Variants in UBR4 observed in about 807,000 individuals in gnomAD.
UBR4 encodes the protein ubiquitin protein ligase E3 component n-recognin 4.
Under a neutral mutation model 575.6 loss-of-function variants are expected in UBR4, and 124 were observed. The ratio of observed to expected loss-of-function variants is 0.22; its 90% CI spans 0.19 to 0.25. The LOEUF (loss-of-function observed/expected upper bound fraction) is 0.25, where lower values mean the gene tolerates loss of function less well. Ranked by LOEUF, UBR4 falls within the 10% of genes least tolerant of loss-of-function variation. UBR4 has a pLI of 1.00. For missense variants in UBR4, 4,818 were observed against 6,478.8 expected (o/e 0.74, Z 8.80); for synonymous variants, 2,455 against 2,473.7 (o/e 0.99, Z 0.22).
chr1:19,170,338 G>A (rs904059573), intron 26 of UBR4, among the ~76,000 whole-genome samples: 7 of 152,186 alleles, frequency 4.6e-5, no homozygotes, highest in African/African-American at 9.7e-5. Flanking sequence ...GATGAAGGCC[G>A]CAGTGAGCTG....
chr1:19,095,207 ATGACAGGCAGCTTTGC>A (rs2077911222), intron 93 of UBR4, among the ~76,000 whole-genome samples, 182 bp from the exon 94 acceptor site: 1 of 152,168 alleles, frequency 6.6e-6, no homozygotes, highest in Non-Finnish European at 1.5e-5. Flanking sequence ...TGAGCTTTTG[ATGACAGGCAGCTTTGC>A]TGCCCCAAGG....
chr1:19,200,283 A>C (rs541337012), intron 2 of UBR4, among the ~76,000 whole-genome samples: 1 of 79,164 alleles, frequency 1.3e-5, no homozygotes, highest in Non-Finnish European at 3.0e-5. Flanking sequence ...AAAAAAAGGC[A>C]AAAAAAAAAA....
chr1:19,085,319 C>T (rs1000985288), intron 101 of UBR4, among the ~76,000 whole-genome samples: 1 of 152,158 alleles, frequency 6.6e-6, no homozygotes, highest in African/African-American at 2.4e-5. Context: ...GTCAGGAGTT[C>T]CAGACCAGCC....
chr1:19,090,786 A>G (rs908389545), intron 97 of UBR4, among the ~76,000 whole-genome samples: 1 of 152,194 alleles, frequency 6.6e-6, no homozygotes, highest in Admixed American at 6.5e-5. Flanking sequence ...AAGTAATTCA[A>G]TTTGGTAACT....
At chr1:19,096,800 G>C in intron 91 of UBR4, 150 bp from the exon 92 acceptor site, 1 of 1,199,094 alleles carries the variant, frequency 8.3e-7, no homozygotes, top group Non-Finnish European at 1.2e-6. Context: ...AGGGGTCAAT[G>C]ATGGATGATA....
chr1:19,107,091 C>A (rs1337241454), intron 81 of UBR4, 125 bp from the exon 82 acceptor site: 60 of 1,370,296 alleles, frequency 4.4e-5, no homozygotes, highest in Non-Finnish European at 5.6e-5. Flanking sequence ...AGGATCAACA[C>A]GTGTATCTCT....
rs1042590444 is a variant in UBR4, at chr1:19,187,376, G to A, written c.1494+65C>T. ...AAAACAACTTGAGTTGATGGATCAA[G>A]CTTGCTTGGCCAGAAGTGGATCCCG... On this transcript the variant is annotated intron_variant, in intron 12 of 105. Coordinates refer to ENST00000375254, the MANE Select transcript of UBR4 (RefSeq NM_020765.3). The A allele has an allele frequency of 1.9e-6, 3 of 1,610,798 alleles. No homozygotes were observed. In the African/African-American group the frequency reaches 4.0e-5, roughly 22 times the overall value.
chr1:19,145,508 GACACACACACACACACACAC>G (rs555050832), intron 53 of UBR4, among the ~76,000 whole-genome samples: 11,062 of 145,104 alleles, frequency 0.076, 584 homozygotes, highest in Non-Finnish European at 0.12. Flanking sequence ...AAACCACTGA[GACACACACACACACACACAC>G]ACACACACAC....
intron 82 of UBR4, 44 bp downstream of exon 82, chr1:19,106,793 G>A: frequency 6.2e-7 from 1 of 1,605,310 alleles, no homozygotes. Flanking sequence ...AGGGCTGTCA[G>A]AGCGCAGGCA....
In UBR4 at chr1:19,185,264, C is replaced by A; in HGVS notation, c.1773G>T (p.Leu591Phe). 6.3e-7 allele frequency: 1 copy of A among 1,581,940 alleles called. No individual in the cohort carries two copies. Among genetic ancestry groups the A allele is most frequent in the South Asian group, 1.2e-5 (1 of 86,398 alleles). ...AAATAGTCTCCTCAAACCATTGCCC[C>A]AAAATAGGCTCACTGTCATCGTCTG... ...SSQDDDSEPI[L>F]GQWFEETISP... The change falls in exon 15 of 106, where the codon TTG (leucine) becomes TTT (phenylalanine). Residue 591 changes from leucine (L) to phenylalanine (F), a missense_variant. Coordinates refer to ENST00000375254, the MANE Select transcript of UBR4 (RefSeq NM_020765.3).
At chr1:19,104,309 A>G in intron 86 of UBR4, 52 bp from the exon 87 acceptor site, 1 of 1,595,460 alleles carries the variant, frequency 6.3e-7, no homozygotes, top group Non-Finnish European at 8.6e-7. Flanking sequence ...AAACATAAGG[A>G]CAGTCTGTGT....
chr1:19,140,373 C>T lies in UBR4; in HGVS notation c.8593+415G>A, dbSNP rs138654385. The stretch of plus-strand genomic sequence containing the variant: ...CTGAACAAGAATTCTGAAGTATAAT[C>T]TAGCTTCTTATAGCTCTCCTTTTAT... On this transcript the variant is annotated intron_variant, in intron 58 of 105. Transcript: ENST00000375254. Among the ~76,000 whole-genome samples the T allele has an allele frequency of 3.1e-3, 477 of 152,344 alleles. 1 individual carries two copies. Among genetic ancestry groups the T allele is most frequent in the Non-Finnish European group, 5.9e-3 (398 of 68,028 alleles).
At chr1:19,143,250 G>A (rs1380732973) in intron 55 of UBR4, among the ~76,000 whole-genome samples, 2 of 134,436 alleles carry the variant, frequency 1.5e-5, no homozygotes, top group Non-Finnish European at 3.2e-5. Context: ...AAGGAAGGAA[G>A]GAAGGAAGGA....
chr1:19,146,235 C>G lies in UBR4; in HGVS notation c.7805-302G>C, dbSNP rs1364240403. Reference sequence around the variant, plus strand: ...CAACTTCTAAAACGTAGAGGAACATCTGAACATTCTAGAGATCTCTCTAGA... The same window carrying G: ...CAACTTCTAAAACGTAGAGGAACATGTGAACATTCTAGAGATCTCTCTAGA... On this transcript the variant is annotated intron_variant, in intron 52 of 105. Coordinates refer to ENST00000375254, the MANE Select transcript of UBR4 (RefSeq NM_020765.3). 6 of 653,622 alleles carry G rather than the reference C, an allele frequency of 9.2e-6. No individual in the cohort carries two copies. In the Middle Eastern group the frequency reaches 1.0e-3, roughly 112 times the overall value. 40.5% of individuals were successfully genotyped at this position (653,622 alleles called of 1,614,324 possible). A position where few individuals can be genotyped will look rare whatever the true frequency, so the allele number is the denominator to read the frequency against.
In UBR4 at chr1:19,156,277, A is replaced by G; in HGVS notation, c.6066T>C (p.Phe2022=). The G allele has an allele frequency of 1.9e-6, 3 of 1,614,138 alleles. No individual in the cohort carries two copies. The highest frequency in any genetic ancestry group is 2.5e-6 in the Non-Finnish European group (3 of 1,180,002). The change falls in exon 42 of 106, where the codon TTT becomes TTC. Residue 2022 remains phenylalanine (F), a synonymous_variant. Transcript: ENST00000375254. ...QTELAIVTAD[F]VKIYDLCVDA... ...CAAAGAACTGTAACTGTACCTTAAC[A>G]AAGTCTGCGGTGACAATTGCTAACT...
At chr1:19,135,504 T>C (rs2083101845) in intron 60 of UBR4, among the ~76,000 whole-genome samples, 1 of 152,340 alleles carries the variant, frequency 6.6e-6, no homozygotes, top group Non-Finnish European at 1.5e-5. Context: ...AATGAGTCTT[T>C]CAATCCATAA....
rs2093232916 is a variant in UBR4 at position 19,209,944 on chromosome 1, C to T, written c.176+129G>A. ...AAGCCAGTCTCCCCGGGCCCGGGAC[C>T]CCGAAGCCGTGGCTGTGGCGGGGAT... On this transcript the variant is annotated intron_variant, in intron 1 of 105. Transcript: ENST00000375254. 3 of 1,340,136 alleles carry T rather than the reference C, an allele frequency of 2.2e-6. No homozygotes were observed. The East Asian group carries it at 9.3e-5, about 42-fold the overall frequency. The allele number at this position is 1,340,136 out of a possible 1,614,324, so 83.0% of individuals were successfully genotyped here.
rs776956681 is a variant in UBR4 at position 19,164,911 on chromosome 1, A to G, written c.4399T>C (p.Trp1467Arg). The part of the protein sequence containing the change: ...ACVEPVRLQA[W>R]LTRMTTSPPK... Reference sequence around the variant, plus strand: ...GGCGATGTAGTCATGCGGGTGAGCCAGGCCTGCAGGCGCACAGGTTCCACA... The same window carrying G: ...GGCGATGTAGTCATGCGGGTGAGCCGGGCCTGCAGGCGCACAGGTTCCACA... Residue 1467 changes from tryptophan to arginine, a missense_variant, in exon 32 of 106, where the codon TGG becomes CGG. By Grantham distance (101) the Trp-to-Arg change is moderately radical. Transcript: ENST00000375254. 6.2e-7 allele frequency: 1 copy of G among 1,614,184 alleles called. No homozygotes were observed. The highest frequency in any genetic ancestry group is 1.1e-5 in the South Asian group (1 of 91,084).
At position 19,139,367 on chromosome 1, in the gene UBR4, G is replaced by T; in HGVS notation, c.8594-147C>A. The T allele has an allele frequency of 9.0e-7, 1 of 1,113,558 alleles. No homozygotes were observed. The highest frequency in any genetic ancestry group is 1.2e-6 in the Non-Finnish European group (1 of 855,562). 69.0% of individuals were successfully genotyped at this position (1,113,558 alleles called of 1,614,324 possible). A position where few individuals can be genotyped will look rare whatever the true frequency, so the allele number is the denominator to read the frequency against. On this transcript the variant is annotated intron_variant, in intron 58 of 105. Coordinates refer to ENST00000375254, the MANE Select transcript of UBR4 (RefSeq NM_020765.3). This position sits in a 1 kb window ranked among gnomAD's most constrained non-coding sequence, Gnocchi z 4.2. Reference sequence around the variant, plus strand: ...GCAGTTTATATATCCTGTCGTCAAAGAAAAAAGGGAGAGATTTGCTTTGCT... The same window carrying T: ...GCAGTTTATATATCCTGTCGTCAAATAAAAAAGGGAGAGATTTGCTTTGCT...
Sources: allele counts gnomAD v4.1 joint callset (sites outside exome capture counted in the v4.1 genomes callset), GRCh38; gene constraint gnomAD v4.1.1; non-coding constraint Gnocchi (gnomAD v3.1); transcripts MANE v1.5; gene names NCBI Gene and HGNC (gene_info 2026-07-23, HGNC 2026-07-21).